The following KLF8 variants were observed in gnomAD, a reference collection of about 807,000 sequenced individuals.
The protein encoded by KLF8 is KLF transcription factor 8, also known as Krueppel-like factor 8.
Under a neutral mutation model 18.2 loss-of-function variants are expected in KLF8, and 10 were observed. The ratio of observed to expected loss-of-function variants is 0.55; its 90% CI spans 0.34 to 0.93. KLF8 has a LOEUF of 0.93. KLF8 is among the 40% of genes least tolerant of loss of function. KLF8 has a pLI of 0.02. For missense variants in KLF8, 264 were observed against 277.9 expected (o/e 0.95, Z 0.36); for synonymous variants, 109 against 97.3 (o/e 1.12, Z -0.71).
At chrX:56,045,409 G>A in the KLF8 span, among the ~76,000 whole-genome samples, 4 of 111,071 alleles carry the variant, frequency 3.6e-5, no homozygotes, top group Non-Finnish European at 5.7e-5. Context: ...ATGAATTATG[G>A]AATTATTTTT....
the KLF8 span, among the ~76,000 whole-genome samples, chrX:56,112,033 G>A: frequency 4.7e-3 from 521 of 111,628 alleles, 19 homozygotes; most frequent in East Asian, 0.12. Context: ...ATATGCACAC[G>A]TATGTTTATT....
chrX:56,133,889 A>G, the KLF8 span, among the ~76,000 whole-genome samples: 1 of 103,343 alleles, frequency 9.7e-6, no homozygotes, highest in East Asian at 3.0e-4. Context: ...GCTGAGAATT[A>G]AATCAAGAAC....
At chrX:56,029,082 T>A in the KLF8 span, among the ~76,000 whole-genome samples, 1 of 111,044 alleles carries the variant, frequency 9.0e-6, no homozygotes, top group Non-Finnish European at 1.9e-5. Context: ...TTTGTCTGAT[T>A]GGCTGGGCCC....
At chrX:55,921,563 G>A in the KLF8 span, among the ~76,000 whole-genome samples, 1 of 92,331 alleles carries the variant, frequency 1.1e-5, no homozygotes, top group African/African-American at 4.0e-5. Context: ...CATGGGCAAA[G>A]ATTTCATGAC....
At chrX:56,268,599 T>A (rs1056630038) in intron 3 of KLF8, 1 of 420,433 alleles carries the variant, frequency 2.4e-6, no homozygotes, top group Admixed American at 8.9e-5. Flanking sequence ...TGCACAAACA[T>A]GCACACCTCA....
chrX:56,140,256 G>T, the KLF8 span, among the ~76,000 whole-genome samples: 2 of 111,911 alleles, frequency 1.8e-5, no homozygotes, highest in African/African-American at 6.5e-5. Context: ...CCATTAATGG[G>T]TATATACCCA....
the KLF8 span, among the ~76,000 whole-genome samples, chrX:56,056,583 G>T: frequency 3.3e-4 from 30 of 91,385 alleles, no homozygotes; most frequent in African/African-American, 1.2e-3. Flanking sequence ...CTCACTCATA[G>T]GTGGGAATTG....
At chrX:56,172,280 C>T in the KLF8 span, among the ~76,000 whole-genome samples, 6 of 110,592 alleles carry the variant, frequency 5.4e-5, no homozygotes, top group Admixed American at 1.9e-4. Context: ...CAACAGGCCC[C>T]GGTATGTGAT....
At chrX:56,123,309 G>GAAAGAAAAGAAAAGA in the KLF8 span, among the ~76,000 whole-genome samples, 11 of 108,157 alleles carry the variant, frequency 1.0e-4, no homozygotes, top group African/African-American at 3.9e-4. Flanking sequence ...GAGAAAGAAA[G>GAAAGAAAAGAAAAGA]AAAGAAAAGA....
chrX:56,090,432 A>G, the KLF8 span, among the ~76,000 whole-genome samples: 1 of 112,284 alleles, frequency 8.9e-6, no homozygotes, highest in South Asian at 3.7e-4. Flanking sequence ...CAGAATAAAC[A>G]TTAGAATCAA....
the KLF8 span, among the ~76,000 whole-genome samples, chrX:55,923,933 T>G: frequency 9.0e-6 from 1 of 111,233 alleles, no homozygotes; most frequent in Non-Finnish European, 1.9e-5. Flanking sequence ...TGCCTTCACT[T>G]ATACTCTAAC....
the KLF8 span, among the ~76,000 whole-genome samples, chrX:56,206,547 A>G: frequency 8.9e-6 from 1 of 112,134 alleles, no homozygotes; most frequent in Non-Finnish European, 1.9e-5. Context: ...CTCCAAAATG[A>G]TCTCCTTTGA....
At chrX:56,114,155 C>G in the KLF8 span, among the ~76,000 whole-genome samples, 2 of 112,349 alleles carry the variant, frequency 1.8e-5, no homozygotes, top group African/African-American at 6.5e-5. Flanking sequence ...TTGGTCACAG[C>G]TGCTGTGCTA....
the KLF8 span, among the ~76,000 whole-genome samples, chrX:56,002,417 A>ATGTG: frequency 1.4e-3 from 131 of 92,653 alleles, no homozygotes; most frequent in South Asian, 3.5e-3. Context: ...ATTTGTGTGT[A>ATGTG]TGTGTGTGTG....
At chrX:56,226,820 T>C in the KLF8 span, among the ~76,000 whole-genome samples, 1 of 112,122 alleles carries the variant, frequency 8.9e-6, no homozygotes, top group African/African-American at 3.2e-5. Context: ...CTCTTTTAAA[T>C]ACCCTGCTGG....
the KLF8 span, among the ~76,000 whole-genome samples, chrX:56,056,357 C>A: frequency 9.1e-5 from 10 of 110,013 alleles, no homozygotes; most frequent in Non-Finnish European, 1.5e-4. Context: ...ACTTTGAATT[C>A]TTGTACCATT....
chrX:55,908,318 G>A, the KLF8 span: 3 of 280,849 alleles, frequency 1.1e-5, no homozygotes, highest in South Asian at 2.4e-4. Context: ...AGGTCGGAAG[G>A]ACCAAGATTA....
the KLF8 span, among the ~76,000 whole-genome samples, chrX:56,183,360 C>A: frequency 8.9e-6 from 1 of 112,024 alleles, no homozygotes; most frequent in Non-Finnish European, 1.9e-5. Flanking sequence ...TTTCCAGATA[C>A]TGTCTATCGC....
chrX:55,958,449 G>A, the KLF8 span, among the ~76,000 whole-genome samples: 13 of 112,077 alleles, frequency 1.2e-4, no homozygotes, highest in Admixed American at 5.7e-4. Context: ...CTCAGGCTGT[G>A]AGAATTTCTC....
Sources: gnomAD v4.1 joint callset for allele counts (sites outside exome capture counted in the v4.1 genomes callset) on GRCh38, gnomAD v4.1.1 for gene constraint, MANE v1.5 for transcripts, NCBI Gene and HGNC (gene_info 2026-07-23, HGNC 2026-07-21) for gene names.